Variants in CLSTN2 observed in about 807,000 individuals in gnomAD.
The protein encoded by CLSTN2 is calsyntenin 2.
In CLSTN2, 48 loss-of-function variants were observed where a neutral mutation model predicts 101.2. The observed-to-expected ratio is 0.47, with a 90% CI of 0.38 to 0.60. The LOEUF (loss-of-function observed/expected upper bound fraction) is 0.60, where lower values mean the gene tolerates loss of function less well. Ranked by LOEUF, CLSTN2 falls within the 20% of genes least tolerant of loss-of-function variation. The probability of loss-of-function intolerance (pLI) is 0.00; values close to 1 mark genes in which losing one functional copy is unlikely to be tolerated. For missense variants in CLSTN2, 1,160 were observed against 1,238.2 expected (o/e 0.94, Z 0.95); for synonymous variants, 481 against 463.6 (o/e 1.04, Z -0.48).
At chr3:140,294,159 C>T (rs947830041) in intron 2 of CLSTN2, among the ~76,000 whole-genome samples, 1 of 152,134 alleles carries the variant, frequency 6.6e-6, no homozygotes, top group African/African-American at 2.4e-5. Flanking sequence ...TTGATTTGGT[C>T]ATTCATGTGA....
chr3:139,948,757 C>T (rs546108738), intron 1 of CLSTN2, among the ~76,000 whole-genome samples: 34 of 152,322 alleles, frequency 2.2e-4, no homozygotes, highest in African/African-American at 8.2e-4. Flanking sequence ...CAGATACACA[C>T]ACACAGTCAC....
Position 140,546,448 on chromosome 3 carries a change from G to T in CLSTN2, c.1508-67G>T, listed in dbSNP as rs1017345266. The T allele has an allele frequency of 1.3e-5, 20 of 1,525,866 alleles. No individual in the cohort carries two copies. In the African/African-American group the frequency reaches 2.7e-4, roughly 21 times the overall value. The allele number at this position is 1,525,866 out of a possible 1,614,324, so 94.5% of individuals were successfully genotyped here. On this transcript the variant is annotated intron_variant, in intron 9 of 16. Transcript: ENST00000458420. ...AAGGCGTCTTTGGCTGCATGGCCAA[G>T]TGGTGCCTTGAGGTGCTGTTTCCTA... is the stretch of plus-strand genomic sequence containing the variant.
At position 140,138,696 on chromosome 3, in the gene CLSTN2, C is replaced by T. The variant is rs184687860; in HGVS notation, c.110-37255C>T. 5.3e-5 allele frequency among the ~76,000 whole-genome samples: 8 copies of T among 152,306 alleles called. No individual in the cohort carries two copies. In the East Asian group the frequency reaches 7.7e-4, roughly 15 times the overall value. ...GCTATTTTTCATGCCTGAGTTACCC[C>T]CTACTCTCACCAAAGTCAATACGAC... On this transcript the variant is annotated intron_variant, in intron 1 of 16. Transcript: ENST00000458420.
rs1205164525 is a variant in CLSTN2, at chr3:140,404,755, T to C, written c.626T>C (p.Ile209Thr). ...EIVTTDVPFA[I>T]DRNGNIRNTE... The stretch of plus-strand genomic sequence containing the variant: ...GTCACCACAGATGTGCCTTTTGCCA[T>C]CGACAGAAATGGTGAGTGACCTCAG... The change falls in exon 4 of 17, where the codon ATC becomes ACC. Residue 209 changes from isoleucine (I) to threonine (T), a missense_variant. Physicochemically the swap from Ile to Thr is moderately conservative, Grantham distance 89. Transcript: ENST00000458420. The C allele has an allele frequency of 6.2e-7, 1 of 1,614,148 alleles. No individual in the cohort carries two copies. Among genetic ancestry groups the C allele is most frequent in the Admixed American group, 1.7e-5 (1 of 60,032 alleles).
chr3:140,499,747 A>G (rs1934533759), intron 8 of CLSTN2, among the ~76,000 whole-genome samples: 1 of 152,130 alleles, frequency 6.6e-6, no homozygotes, highest in Non-Finnish European at 1.5e-5. Context: ...CATGGGATAC[A>G]GGTACCTAAT....
Position 139,935,548 on chromosome 3 carries a change from G to C in CLSTN2, c.109+65G>C, listed in dbSNP as rs922903624. ...GCAGGGCAGGCTTGAGGGTGAAAGCGGCAAGGACCTAGGCTCAAGCTGGAT... is the reference window on the plus strand; with the variant it reads ...GCAGGGCAGGCTTGAGGGTGAAAGCCGCAAGGACCTAGGCTCAAGCTGGAT... On this transcript the variant is annotated intron_variant, in intron 1 of 16. Coordinates refer to ENST00000458420, the MANE Select transcript of CLSTN2 (RefSeq NM_022131.3). This position sits in a 1 kb window ranked among gnomAD's most constrained non-coding sequence, Gnocchi z 5.5. The C allele has an allele frequency of 2.4e-6, 2 of 841,130 alleles. No individual in the cohort carries two copies. The highest frequency in any genetic ancestry group is 1.8e-5 in the African/African-American group (1 of 56,892). 52.1% of individuals were successfully genotyped at this position (841,130 alleles called of 1,614,324 possible). A position where few individuals can be genotyped will look rare whatever the true frequency, so the allele number is the denominator to read the frequency against.
chr3:140,240,174 C>CTCTCTCTCTATATATA (rs1311225528), intron 2 of CLSTN2, among the ~76,000 whole-genome samples: 4 of 13,338 alleles, frequency 3.0e-4, no homozygotes, highest in Non-Finnish European at 1.4e-3. Flanking sequence ...CTCTCTCTCT[C>CTCTCTCTCTATATATA]TATATATATA....
At chr3:140,476,034 C>A (rs1476110428) in intron 8 of CLSTN2, among the ~76,000 whole-genome samples, 1 of 152,164 alleles carries the variant, frequency 6.6e-6, no homozygotes, top group Non-Finnish European at 1.5e-5. Flanking sequence ...GTCACTGCAC[C>A]GATTGTGTCA....
At chr3:140,317,064 G>A (rs1467372510) in intron 2 of CLSTN2, among the ~76,000 whole-genome samples, 1 of 152,132 alleles carries the variant, frequency 6.6e-6, no homozygotes, top group Non-Finnish European at 1.5e-5. Flanking sequence ...AATCATCAGA[G>A]GTATTTCCAG....
At chr3:140,553,724 A>G (rs1935749971) in intron 10 of CLSTN2, among the ~76,000 whole-genome samples, 1 of 152,148 alleles carries the variant, frequency 6.6e-6, no homozygotes, top group Non-Finnish European at 1.5e-5. Context: ...AGGATCTTTC[A>G]CTGCCTCAGC....
intron 2 of CLSTN2, among the ~76,000 whole-genome samples, chr3:140,265,584 G>T (rs920474114): frequency 6.6e-6 from 1 of 152,152 alleles, no homozygotes; most frequent in Non-Finnish European, 1.5e-5. Flanking sequence ...GTGATTAAGC[G>T]CAGTTTCAAT....
chr3:140,130,674 AGAAG>A (rs1190296253), intron 1 of CLSTN2, among the ~76,000 whole-genome samples: 1 of 152,174 alleles, frequency 6.6e-6, no homozygotes, highest in Non-Finnish European at 1.5e-5. Context: ...CTTTACTGGG[AGAAG>A]CACAGGGGAC....
At chr3:140,245,329 A>G (rs923112984) in intron 2 of CLSTN2, among the ~76,000 whole-genome samples, 51 of 152,308 alleles carry the variant, frequency 3.3e-4, no homozygotes, top group Middle Eastern at 3.4e-3. Context: ...TGTTCAGGTG[A>G]CTGCTTCTGT....
intron 8 of CLSTN2, among the ~76,000 whole-genome samples, chr3:140,503,476 G>A (rs1409485349): frequency 1.3e-5 from 2 of 152,208 alleles, no homozygotes; most frequent in Non-Finnish European, 2.9e-5. Flanking sequence ...GCCTAGGTGT[G>A]TAGTGGGCTA....
chr3:140,128,848 G>A (rs1411546543), intron 1 of CLSTN2, among the ~76,000 whole-genome samples: 2 of 152,154 alleles, frequency 1.3e-5, no homozygotes, highest in African/African-American at 2.4e-5. Flanking sequence ...ATCTGGAGAG[G>A]CCAGTGGGTG....
intron 2 of CLSTN2, among the ~76,000 whole-genome samples, chr3:140,308,435 C>T (rs1234064461): frequency 6.6e-6 from 1 of 152,202 alleles, no homozygotes; most frequent in Non-Finnish European, 1.5e-5. Context: ...TGTTATATAA[C>T]CTTTGCAATC....
intron 1 of CLSTN2, among the ~76,000 whole-genome samples, chr3:139,952,092 G>T (rs1174265721): frequency 6.6e-6 from 1 of 152,094 alleles, no homozygotes; most frequent in Admixed American, 6.6e-5. Flanking sequence ...AATGGGGAAT[G>T]GTATAGCCCC....
chr3:140,339,909 G>A (rs750765601), intron 2 of CLSTN2, among the ~76,000 whole-genome samples: 1 of 152,178 alleles, frequency 6.6e-6, no homozygotes, highest in East Asian at 1.9e-4. Flanking sequence ...TTTTAGAATT[G>A]GATGTGGGTC....
intron 5 of CLSTN2, among the ~76,000 whole-genome samples, chr3:140,434,204 G>A (rs1255599503): frequency 6.6e-6 from 1 of 152,198 alleles, no homozygotes; most frequent in Admixed American, 6.5e-5. Context: ...CTACCTCCCA[G>A]AGATCCTGGT....
Sources: gnomAD v4.1 joint callset for allele counts (sites outside exome capture counted in the v4.1 genomes callset) on GRCh38, gnomAD v4.1.1 for gene constraint, Gnocchi (gnomAD v3.1) non-coding constraint, MANE v1.5 for transcripts, NCBI Gene and HGNC (gene_info 2026-07-23, HGNC 2026-07-21) for gene names.